PNPLA3: variants seen among roughly 807,000 people sequenced by gnomAD.
The protein encoded by PNPLA3 is 1-acylglycerol-3-phosphate O-acyltransferase PNPLA3.
Under a neutral mutation model 43.1 loss-of-function variants are expected in PNPLA3, and 42 were observed. The ratio of observed to expected loss-of-function variants is 0.97; its 90% CI spans 0.76 to 1.26. PNPLA3 has a LOEUF of 1.26. Among genes scored for constraint, PNPLA3 ranks in the 50% most tolerant of loss-of-function variants. The probability of loss-of-function intolerance (pLI) is 0.00; values close to 1 mark genes in which losing one functional copy is unlikely to be tolerated. For missense variants in PNPLA3, 647 were observed against 621.4 expected (o/e 1.04, Z -0.44); for synonymous variants, 272 against 253.6 (o/e 1.07, Z -0.69).
intron 7 of PNPLA3, 68 bp downstream of exon 7, chr22:43,940,193 T>C: frequency 7.9e-6 from 12 of 1,526,516 alleles, no homozygotes; most frequent in Non-Finnish European, 1.1e-5. Flanking sequence ...AGATGATAGA[T>C]CATGGTGGCA....
chr22:43,934,330 A>G (rs56080814), intron 4 of PNPLA3, among the ~76,000 whole-genome samples: 2 of 148,162 alleles, frequency 1.3e-5, no homozygotes, highest in South Asian at 2.2e-4. Context: ...AAAAAAAAAA[A>G]AAAAAAGAAA....
intron 5 of PNPLA3, 132 bp from the exon 6 acceptor site, chr22:43,936,919 C>T (rs2049999035): frequency 1.4e-6 from 1 of 707,392 alleles, no homozygotes; most frequent in African/African-American, 1.7e-5. Context: ...CGTTCTCTTC[C>T]CTTCCCCTCT....
At chr22:43,943,846 T>A (rs2050046211) in intron 7 of PNPLA3, among the ~76,000 whole-genome samples, 1 of 152,142 alleles carries the variant, frequency 6.6e-6, no homozygotes. Context: ...TGGAGTGCAA[T>A]GTCGCGATCT....
At chr22:43,929,567 A>C (rs1202811284) in intron 3 of PNPLA3, among the ~76,000 whole-genome samples, 2 of 149,406 alleles carry the variant, frequency 1.3e-5, no homozygotes, top group African/African-American at 4.9e-5. Context: ...AGGGGGAACT[A>C]TAACAGTCAT....
intron 8 of PNPLA3, among the ~76,000 whole-genome samples, chr22:43,945,792 T>C (rs13055874): frequency 0.2 from 30,978 of 151,314 alleles, 3,665 homozygotes; most frequent in East Asian, 0.39. Context: ...GCCTAAGGAG[T>C]GGGGCAGCCC....
intron 8 of PNPLA3, 145 bp downstream of exon 8, chr22:43,944,940 G>C: frequency 1.4e-6 from 1 of 705,590 alleles, no homozygotes; most frequent in Non-Finnish European, 2.4e-6. Context: ...ATGGGAGGCA[G>C]CTGAGTCAGT....
At chr22:43,937,578 T>C (rs1051122889) in intron 6 of PNPLA3, among the ~76,000 whole-genome samples, 1 of 152,166 alleles carries the variant, frequency 6.6e-6, no homozygotes, top group African/African-American at 2.4e-5. Flanking sequence ...CTGGGCCCTC[T>C]GTACCCCTTT....
chr22:43,924,246 G>A, intron 1 of PNPLA3, 148 bp downstream of exon 1: 1 of 948,062 alleles, frequency 1.1e-6, no homozygotes. Context: ...CCCCCTCCGA[G>A]GCAGATGCTT....
In PNPLA3 at chr22:43,947,519, C is replaced by A; in HGVS notation, c.*1137C>A. The A allele has an allele frequency of 6.0e-6, 1 of 166,338 alleles. No individual in the cohort carries two copies. Among genetic ancestry groups the A allele is most frequent in the South Asian group, 1.9e-4 (1 of 5,144 alleles). 10.3% of individuals were successfully genotyped at this position (166,338 alleles called of 1,614,324 possible). ...TCTGCAGGGACCAGCCCCACATGGTCAGTGAGTTTCTCCCCATGTGTGGCG... is the reference window on the plus strand; with the variant it reads ...TCTGCAGGGACCAGCCCCACATGGTAAGTGAGTTTCTCCCCATGTGTGGCG... On this transcript the variant is annotated 3_prime_UTR_variant, in exon 9 of 9. Coordinates refer to ENST00000216180, the MANE Select transcript of PNPLA3 (RefSeq NM_025225.3).
At position 43,936,411 on chromosome 22, in the gene PNPLA3, C is replaced by T. The variant is rs188599425; in HGVS notation, c.758-640C>T. On this transcript the variant is annotated intron_variant, in intron 5 of 8. Coordinates refer to ENST00000216180, the MANE Select transcript of PNPLA3 (RefSeq NM_025225.3). Reference sequence around the variant, plus strand: ...GCAGCTGTGGTTGTCTGAAGTCCCCCTCCCCCAGCCCAGTGTGCCAATGCT... The same window carrying T: ...GCAGCTGTGGTTGTCTGAAGTCCCCTTCCCCCAGCCCAGTGTGCCAATGCT... 2.0e-5 allele frequency among the ~76,000 whole-genome samples: 3 copies of T among 152,242 alleles called. No homozygotes were observed. In the East Asian group the frequency reaches 5.8e-4, roughly 30 times the overall value.
chr22:43,926,001 G>A, intron 1 of PNPLA3, among the ~76,000 whole-genome samples: 1 of 152,236 alleles, frequency 6.6e-6, no homozygotes, highest in East Asian at 1.9e-4. Context: ...GGATCTGGAG[G>A]CGTTGGCAGG....
In PNPLA3 at chr22:43,944,693, T is replaced by C; in HGVS notation, c.1115T>C (p.Leu372Pro). 1 of 1,614,144 alleles carries C rather than the reference T, an allele frequency of 6.2e-7. No individual in the cohort carries two copies. Among genetic ancestry groups the C allele is most frequent in the South Asian group, 1.1e-5 (1 of 91,084 alleles). ...VESAIAIVQR[L>P]VTWLPDMPDD... Reference sequence around the variant, plus strand: ...TGTACTTGGTCTCATCTCTGCAGACTGGTGACATGGCTTCCAGATATGCCC... The same window carrying C: ...TGTACTTGGTCTCATCTCTGCAGACCGGTGACATGGCTTCCAGATATGCCC... Residue 372 changes from leucine to proline, a missense_variant and splice_region_variant, in exon 8 of 9, where the codon CTG becomes CCG. Physicochemically the swap from Leu to Pro is moderately conservative, Grantham distance 98. Coordinates refer to ENST00000216180, the MANE Select transcript of PNPLA3 (RefSeq NM_025225.3).
At chr22:43,924,339 G>C (rs930705779) in intron 1 of PNPLA3, 3 of 514,966 alleles carry the variant, frequency 5.8e-6, no homozygotes, top group Non-Finnish European at 6.6e-6. Context: ...ACTCTCGTGC[G>C]TCCCCACCCC....
intron 1 of PNPLA3, chr22:43,924,405 C>A: frequency 2.8e-6 from 1 of 352,822 alleles, no homozygotes. Flanking sequence ...GACTGAGAGT[C>A]GGAGCGTCTC....
intron 3 of PNPLA3, among the ~76,000 whole-genome samples, chr22:43,929,716 C>T (rs531834438): frequency 6.6e-6 from 1 of 151,120 alleles, no homozygotes; most frequent in Non-Finnish European, 1.5e-5. Context: ...CCTGCCTCAA[C>T]CTCCCGAGTA....
rs141106484 is a variant in PNPLA3 at position 43,928,887 on chromosome 22, G to C, written c.484G>C (p.Val162Leu). The change falls in exon 3 of 9, where the codon GTG becomes CTG. Residue 162 changes from valine (V) to leucine (L), a missense_variant and splice_region_variant. Val to Leu is a conservative substitution (Grantham distance 32). Transcript: ENST00000216180. ...CCTTATCCCTCCTTCCTTCAGAGGC[G>C]TGGTAAGTCGGCTTTCTCTGCTAGC... ...SGLIPPSFRG[V>L]RYVDGGVSDN... 2 of 1,610,306 alleles carry C rather than the reference G, an allele frequency of 1.2e-6. No individual in the cohort carries two copies. The highest frequency in any genetic ancestry group is 1.7e-6 in the Non-Finnish European group (2 of 1,176,706).
rs556789077 is a variant in PNPLA3 at position 43,933,072 on chromosome 22, C to T, written c.681C>T (p.Val227=). Residue 227 remains valine (V), a synonymous_variant, in exon 4 of 9, where the codon GTC becomes GTT. Transcript: ENST00000216180. ...TCTACCTTCTCTCGAGAGCTTTTGT[C>T]CCCCCGGATCTCAAGGTGAGTTGGT... The part of the protein sequence containing the change: ...GNLYLLSRAF[V]PPDLKVLGEI... 37 of 1,613,492 alleles carry T rather than the reference C, an allele frequency of 2.3e-5. 1 individual carries two copies. Among genetic ancestry groups the T allele is most frequent in the African/African-American group, 2.0e-4 (15 of 74,992 alleles).
Position 43,926,626 on chromosome 22 carries a change from G to A in PNPLA3, c.188-309G>A, listed in dbSNP as rs1238237393. The stretch of plus-strand genomic sequence containing the variant: ...AGAAGCCACATTGAATAAAGTAAAA[G>A]ACACAGGTAGAATTAATTTCATTGA... On this transcript the variant is annotated intron_variant, in intron 1 of 8. Transcript: ENST00000216180. Among the ~76,000 whole-genome samples, 5 of 152,290 alleles carry A rather than the reference G, an allele frequency of 3.3e-5. No homozygotes were observed. In the East Asian group the frequency reaches 5.8e-4, roughly 18 times the overall value.
chr22:43,926,272 T>C (rs1054869413), intron 1 of PNPLA3, among the ~76,000 whole-genome samples: 2 of 152,108 alleles, frequency 1.3e-5, no homozygotes, highest in Non-Finnish European at 2.9e-5. Flanking sequence ...GGGGCCTGCC[T>C]GTCCCTGTGC....
Sources: allele counts gnomAD v4.1 joint callset (sites outside exome capture counted in the v4.1 genomes callset), GRCh38; gene constraint gnomAD v4.1.1; transcripts MANE v1.5; gene names NCBI Gene and HGNC (gene_info 2026-07-23, HGNC 2026-07-21).